Variants in ADARB1 observed in about 807,000 individuals in gnomAD.
The protein encoded by ADARB1 is double-stranded RNA-specific editase 1.
A neutral mutation model predicts 52.4 loss-of-function variants in ADARB1; 10 were observed. The observed-to-expected ratio is 0.19, with a 90% CI of 0.12 to 0.32. The LOEUF (loss-of-function observed/expected upper bound fraction) is 0.32. Among genes scored for constraint, ADARB1 ranks in the 10% least tolerant of loss-of-function variants. The pLI is 1.00. For missense variants in ADARB1, 643 were observed against 922.3 expected, an observed-to-expected ratio of 0.70 and a Z score of 3.92; for synonymous variants, 349 against 371.1, an observed-to-expected ratio of 0.94 and a Z score of 0.68.
intron 1 of ADARB1, among the ~76,000 whole-genome samples, chr21:45,082,152 G>A (rs2086178991): frequency 6.6e-6 from 1 of 152,164 alleles, no homozygotes; most frequent in Admixed American, 6.5e-5. Flanking sequence ...CTCAGGTTAG[G>A]AGTCTTCAAC....
rs887834073 is a variant in ADARB1 at position 45,208,843 on chromosome 21, C to T, written c.1747+4107C>T. Among the ~76,000 whole-genome samples, 1 of 152,012 alleles carries T rather than the reference C, an allele frequency of 6.6e-6. No individual in the cohort carries two copies. The highest frequency in any genetic ancestry group is 1.5e-5 in the Non-Finnish European group (1 of 68,006). Reference sequence around the variant, plus strand: ...TGCCCTGGTTTCTAGGAGGAGTGAACGTGCCATGAGTCATTGTAGAAGAGA... The same window carrying T: ...TGCCCTGGTTTCTAGGAGGAGTGAATGTGCCATGAGTCATTGTAGAAGAGA... On this transcript the variant is annotated intron_variant, in intron 9 of 10. Transcript: ENST00000348831. The surrounding 1 kb of genome is among the most constrained non-coding windows in gnomAD (Gnocchi z 5.6).
chr21:45,165,328 C>T (rs562482332), intron 2 of ADARB1, among the ~76,000 whole-genome samples: 1 of 152,322 alleles, frequency 6.6e-6, no homozygotes, highest in Admixed American at 6.5e-5. Flanking sequence ...CAGTAGATTC[C>T]TATTCTCATC....
rs186824507 is a variant in ADARB1 at position 45,192,183 on chromosome 21, A to C, written c.1565+7092A>C. ...AGAGAATGAGAGCTAAAAAAGAGTC[A>C]GCTAATGCAGTCAGAAAGAAGAATG... On this transcript the variant is annotated intron_variant, in intron 8 of 10. Coordinates refer to ENST00000348831, the MANE Select transcript of ADARB1 (RefSeq NM_001112.4). Among the ~76,000 whole-genome samples, 560 of 152,260 alleles carry C rather than the reference A, an allele frequency of 3.7e-3. 3 individuals are homozygous for C. Among genetic ancestry groups the C allele is most frequent in the African/African-American group, 0.013 (536 of 41,538 alleles).
chr21:45,178,322 G>A (rs2091784527), intron 4 of ADARB1, among the ~76,000 whole-genome samples: 1 of 152,244 alleles, frequency 6.6e-6, no homozygotes, highest in South Asian at 2.1e-4. Flanking sequence ...GCCTGGGGAG[G>A]GGTGCAGGTG....
chr21:45,078,528 G>A (rs2086032108), intron 1 of ADARB1, among the ~76,000 whole-genome samples: 2 of 152,312 alleles, frequency 1.3e-5, no homozygotes, highest in South Asian at 4.1e-4. Flanking sequence ...GAGTGAGCTG[G>A]GCTGAGGTCA....
intron 1 of ADARB1, among the ~76,000 whole-genome samples, chr21:45,091,734 C>T (rs1009146491): frequency 1.3e-5 from 2 of 152,134 alleles, no homozygotes; most frequent in Non-Finnish European, 2.9e-5. Flanking sequence ...GAGTAGAGCT[C>T]CTTGTTCTCC....
In ADARB1 at chr21:45,182,642, A is replaced by G; in HGVS notation, c.1136A>G (p.Asn379Ser). Residue 379 changes from asparagine (N) to serine (S), a missense_variant, in exon 6 of 11, where the codon AAT (asparagine) becomes AGT (serine). Coordinates refer to ENST00000348831, the MANE Select transcript of ADARB1 (RefSeq NM_001112.4). ...GTTTCTACAGGAACAAAATGTATTA[A>G]TGGTGAATACATGAGTGATCGTGGC... is the stretch of plus-strand genomic sequence containing the variant. The part of the protein sequence containing the change: ...ISVSTGTKCI[N>S]GEYMSDRGLA... 1 of 1,610,592 alleles carries G rather than the reference A, an allele frequency of 6.2e-7. No individual in the cohort carries two copies.
chr21:45,096,429 G>A (rs2086764158), intron 1 of ADARB1, among the ~76,000 whole-genome samples: 2 of 152,254 alleles, frequency 1.3e-5, no homozygotes, highest in Admixed American at 1.3e-4. Flanking sequence ...CTGTCTTCCT[G>A]CAGGTCTGGG....
rs1462011623 is a variant in ADARB1, at chr21:45,226,245, C to T, written c.*4048C>T. 1.3e-5 allele frequency: 2 copies of T among 152,544 alleles called. No homozygotes were observed. The highest frequency in any genetic ancestry group is 2.9e-5 in the Non-Finnish European group (2 of 68,052). The allele number at this position is 152,544 out of a possible 1,614,324, so 9.4% of individuals were successfully genotyped here. A position where few individuals can be genotyped will look rare whatever the true frequency, so the allele number is the denominator to read the frequency against. ...GAACCGATGGGCCATTAAACATGAA[C>T]TGAACGGTTAAAAGCACAGTCTATG... On this transcript the variant is annotated 3_prime_UTR_variant, in exon 11 of 11. Transcript: ENST00000348831.
chr21:45,180,453 C>A lies in ADARB1; in HGVS notation c.1078+9C>A. ...AGTCGTCATGACAACAGGTAACCAT[C>A]TTGGTGTTGTATGTAACCCTGCCTG... On this transcript the variant is annotated intron_variant, in intron 5 of 10. Transcript: ENST00000348831. The A allele has an allele frequency of 6.2e-7, 1 of 1,604,942 alleles. No individual in the cohort carries two copies. The highest frequency in any genetic ancestry group is 8.5e-7 in the Non-Finnish European group (1 of 1,172,290).
chr21:45,121,125 G>A (rs2088155085), intron 1 of ADARB1, among the ~76,000 whole-genome samples: 1 of 152,060 alleles, frequency 6.6e-6, no homozygotes. Flanking sequence ...TACTGGGCTC[G>A]TAAAACGAGT....
At chr21:45,092,005 C>G (rs1182676598) in intron 1 of ADARB1, among the ~76,000 whole-genome samples, 3 of 152,134 alleles carry the variant, frequency 2.0e-5, no homozygotes, top group Non-Finnish European at 4.4e-5. Flanking sequence ...TTATTTGGAA[C>G]AATTTAAAAG....
chr21:45,137,177 T>C (rs1033065071), intron 2 of ADARB1: 3 of 152,188 alleles, frequency 2.0e-5, no homozygotes, highest in Non-Finnish European at 4.4e-5. Context: ...AAGATTCACG[T>C]GTAGATCCAG....
chr21:45,138,264 C>T (rs998125938), intron 2 of ADARB1, among the ~76,000 whole-genome samples: 3 of 152,314 alleles, frequency 2.0e-5, no homozygotes, highest in East Asian at 1.9e-4. Context: ...AGCTCCGTGA[C>T]GTTTCTCCAA....
At position 45,221,935 on chromosome 21, in the gene ADARB1, G is replaced by A; in HGVS notation, c.1927-83G>A. ...CCCCAGAAGCCAATGCAGTTCTGAA[G>A]GCCATGTTTTGGTATCTTATTAGGT... On this transcript the variant is annotated intron_variant, in intron 10 of 10. Transcript: ENST00000348831. This position sits in a 1 kb window ranked among gnomAD's most constrained non-coding sequence, Gnocchi z 4.9. The A allele has an allele frequency of 6.8e-7, 1 of 1,461,282 alleles. No homozygotes were observed. Among genetic ancestry groups the A allele is most frequent in the Non-Finnish European group, 9.4e-7 (1 of 1,066,014 alleles). The allele number at this position is 1,461,282 out of a possible 1,614,324, so 90.5% of individuals were successfully genotyped here.
intron 2 of ADARB1, among the ~76,000 whole-genome samples, chr21:45,140,051 C>G (rs1233921443): frequency 1.4e-5 from 2 of 145,656 alleles, no homozygotes; most frequent in Non-Finnish European, 3.0e-5. Context: ...TCAAGCGATT[C>G]TCCTGCCTCA....
Position 45,138,870 on chromosome 21 carries a change from C to T in ADARB1, c.-48+10297C>T, listed in dbSNP as rs145259630. Among the ~76,000 whole-genome samples the T allele has an allele frequency of 6.4e-4, 97 of 152,098 alleles. 1 individual carries two copies. In the East Asian group the frequency reaches 0.017, roughly 27 times the overall value. On this transcript the variant is annotated intron_variant, in intron 2 of 10. Transcript: ENST00000348831. ...AGGCAGCAGAAGCACTTATCTGGCC[C>T]TCAGCTCCTCGGTGGTGTCAGTTTG...
intron 2 of ADARB1, among the ~76,000 whole-genome samples, chr21:45,149,629 A>G (rs2090181810): frequency 6.6e-6 from 1 of 152,246 alleles, no homozygotes. Flanking sequence ...ACTGTTATCT[A>G]GGTGTTCTGT....
At chr21:45,188,130 G>A (rs1424218241) in intron 8 of ADARB1, among the ~76,000 whole-genome samples, 13 of 151,002 alleles carry the variant, frequency 8.6e-5, no homozygotes, top group Admixed American at 5.9e-4. Context: ...TTTTTGAGAT[G>A]GAGTCTCGCT....
Sources: allele counts gnomAD v4.1 joint callset (sites outside exome capture counted in the v4.1 genomes callset), GRCh38; gene constraint gnomAD v4.1.1; non-coding constraint Gnocchi (gnomAD v3.1); transcripts MANE v1.5; gene names NCBI Gene and HGNC (gene_info 2026-07-23, HGNC 2026-07-21).